The following HDAC9 variants were observed in gnomAD, a reference collection of about 807,000 sequenced individuals.
HDAC9 encodes histone deacetylase 9, also known as MEF-2 interacting transcription repressor (MITR) protein.
In HDAC9, 41 loss-of-function variants were observed where a neutral mutation model predicts 139.4. The observed-to-expected ratio is 0.29, with a 90% CI of 0.23 to 0.38. The LOEUF (loss-of-function observed/expected upper bound fraction) is 0.38. HDAC9 is among the 10% of genes least tolerant of loss of function. The pLI, the probability that HDAC9 is intolerant of heterozygous loss-of-function variation, is 1.00. For synonymous variants in HDAC9, 517 were observed against 476.2 expected, an observed-to-expected ratio of 1.09 and a Z score of -1.12; for missense variants, 1,147 against 1,297.0, an observed-to-expected ratio of 0.88 and a Z score of 1.78.
intron 1 of HDAC9, among the ~76,000 whole-genome samples, chr7:18,461,421 T>A (rs1793838160): frequency 6.6e-6 from 1 of 152,216 alleles, no homozygotes; most frequent in African/African-American, 2.4e-5. Flanking sequence ...TGCTTACAAT[T>A]TTTTTAAAAG....
intron 2 of HDAC9, among the ~76,000 whole-genome samples, chr7:18,511,855 C>CT (rs1801612915): frequency 6.6e-6 from 1 of 151,934 alleles, no homozygotes; most frequent in South Asian, 2.1e-4. Context: ...TAGAGAATTA[C>CT]TTTTTTCTGT....
intron 17 of HDAC9, among the ~76,000 whole-genome samples, chr7:18,826,837 T>C (rs1174152190): frequency 6.6e-6 from 1 of 150,592 alleles, no homozygotes; most frequent in African/African-American, 2.5e-5. Flanking sequence ...AATTTTTTTT[T>C]CTTCCTTTGT....
intron 2 of HDAC9, among the ~76,000 whole-genome samples, chr7:18,220,471 TG>T (rs1562762655): frequency 1.3e-5 from 2 of 152,100 alleles, no homozygotes; most frequent in East Asian, 1.9e-4. Context: ...ATGATTTCAC[TG>T]GGGGAGGCTG....
intron 1 of HDAC9, among the ~76,000 whole-genome samples, chr7:18,420,168 G>T (rs981669126): frequency 6.6e-6 from 1 of 152,162 alleles, no homozygotes; most frequent in Non-Finnish European, 1.5e-5. Flanking sequence ...CCTAAATGTA[G>T]TTTTCCTGCA....
At chr7:18,183,041 A>G (rs557857978) in intron 2 of HDAC9, among the ~76,000 whole-genome samples, 20 of 146,666 alleles carry the variant, frequency 1.4e-4, no homozygotes, top group African/African-American at 3.3e-4. Flanking sequence ...ACGGAGTCTC[A>G]CTCTGTTGCC....
chr7:18,262,333 A>G (rs1329408301), intron 2 of HDAC9, among the ~76,000 whole-genome samples: 2 of 152,224 alleles, frequency 1.3e-5, no homozygotes, highest in African/African-American at 4.8e-5. Flanking sequence ...CAGTGGCATG[A>G]CATATTCAAA....
intron 25 of HDAC9, among the ~76,000 whole-genome samples, chr7:18,990,334 A>G (rs938994430): frequency 1.8e-4 from 27 of 151,178 alleles, no homozygotes; most frequent in Non-Finnish European, 3.2e-4. Context: ...GCCCCTGCTG[A>G]GGGGTGCCTC....
intron 2 of HDAC9, among the ~76,000 whole-genome samples, chr7:18,563,391 T>C (rs1003645175): frequency 2.0e-5 from 3 of 152,132 alleles, no homozygotes; most frequent in African/African-American, 4.8e-5. Context: ...CCTCCAAAAA[T>C]ATATAAGCTC....
In HDAC9 at chr7:18,980,688, G is replaced by C. The variant is rs190429488; in HGVS notation, c.3170+4735G>C. 8.2e-3 allele frequency among the ~76,000 whole-genome samples: 1,155 copies of C among 141,548 alleles called. 14 individuals are homozygous for C. Among genetic ancestry groups the C allele is most frequent in the African/African-American group, 0.021 (776 of 36,186 alleles). 92.9% of individuals were successfully genotyped at this position (141,548 alleles called of 152,430 possible). A position where few individuals can be genotyped will look rare whatever the true frequency, so the allele number is the denominator to read the frequency against. On this transcript the variant is annotated intron_variant, in intron 25 of 25. Coordinates refer to ENST00000686413, the MANE Select transcript of HDAC9 (RefSeq NM_178425.4). ...TGTTCTTCTTGTTCTTGTTCTTCTT[G>C]TTCTTCTTCCTTCTTCTTCCTTCTT... is the stretch of plus-strand genomic sequence containing the variant.
intron 1 of HDAC9, among the ~76,000 whole-genome samples, chr7:18,138,161 T>C (rs1785580764): frequency 6.6e-6 from 1 of 152,226 alleles, no homozygotes. Context: ...ATCCCCTTTA[T>C]CATTTTTTAT....
At chr7:18,568,072 A>G (rs1823054358) in intron 2 of HDAC9, among the ~76,000 whole-genome samples, 1 of 144,710 alleles carries the variant, frequency 6.9e-6, no homozygotes, top group South Asian at 2.2e-4. Context: ...AGAATTATGT[A>G]GCAACTGCTG....
intron 1 of HDAC9, among the ~76,000 whole-genome samples, chr7:18,384,841 A>G (rs1242960105): frequency 6.6e-6 from 1 of 151,934 alleles, no homozygotes; most frequent in Non-Finnish European, 1.5e-5. Flanking sequence ...ATTTTATTCT[A>G]CTTTCTGTGT....
At chr7:18,540,153 A>T (rs1211555519) in intron 2 of HDAC9, among the ~76,000 whole-genome samples, 2 of 150,992 alleles carry the variant, frequency 1.3e-5, no homozygotes, top group African/African-American at 4.9e-5. Flanking sequence ...GGTGCCTGTA[A>T]TCCCAGCTAC....
chr7:18,203,255 T>C (rs1411499419), intron 2 of HDAC9, among the ~76,000 whole-genome samples: 1 of 152,230 alleles, frequency 6.6e-6, no homozygotes, highest in Non-Finnish European at 1.5e-5. Flanking sequence ...ACCTGACTTC[T>C]TTGATGGTCT....
chr7:18,659,033 C>G lies in HDAC9; in HGVS notation c.1468-7180C>G, dbSNP rs1792274231. Among the ~76,000 whole-genome samples, 8 of 151,946 alleles carry G rather than the reference C, an allele frequency of 5.3e-5. 1 individual carries two copies. The South Asian group carries it at 1.7e-3, about 32-fold the overall frequency. The stretch of plus-strand genomic sequence containing the variant: ...AGTTCACTTTGCATAGTTTAATAAT[C>G]ATATTCAAACACTTGTATTTAATGG... On this transcript the variant is annotated intron_variant, in intron 11 of 25. Transcript: ENST00000686413.
In HDAC9 at chr7:18,920,074, A is replaced by G. The variant is rs1803558478; in HGVS notation, c.2804-15735A>G. On this transcript the variant is annotated intron_variant, in intron 22 of 25. Transcript: ENST00000686413. ...TTGATGGGGATGGCATTGAATCTAT[A>G]AATTACCTTGGGCAGTATGGCCATT... is the stretch of plus-strand genomic sequence containing the variant. Among the ~76,000 whole-genome samples the G allele has an allele frequency of 2.0e-5, 3 of 152,220 alleles. No homozygotes were observed. The South Asian group carries it at 6.2e-4, about 32-fold the overall frequency.
chr7:18,488,673 A>G (rs983484911), intron 1 of HDAC9, among the ~76,000 whole-genome samples: 7 of 152,054 alleles, frequency 4.6e-5, no homozygotes, highest in Non-Finnish European at 7.4e-5. Flanking sequence ...CTACAAGGTT[A>G]CTAGTAGTAC....
intron 16 of HDAC9, among the ~76,000 whole-genome samples, chr7:18,769,965 C>CTT (rs1790150180): frequency 6.6e-6 from 1 of 152,086 alleles, no homozygotes; most frequent in Admixed American, 6.6e-5. Flanking sequence ...AAGTAAACGC[C>CTT]AGTTCCTTAG....
At chr7:18,523,618 A>G (rs1805790806) in intron 2 of HDAC9, among the ~76,000 whole-genome samples, 1 of 152,170 alleles carries the variant, frequency 6.6e-6, no homozygotes, top group African/African-American at 2.4e-5. Context: ...CTGTTTGCAC[A>G]TGTATATGTG....
Sources: allele counts gnomAD v4.1 joint callset (sites outside exome capture counted in the v4.1 genomes callset), GRCh38; gene constraint gnomAD v4.1.1; transcripts MANE v1.5; gene names NCBI Gene and HGNC (gene_info 2026-07-23, HGNC 2026-07-21).